PTPRK: variants seen among roughly 807,000 people sequenced by gnomAD.
PTPRK encodes the protein receptor-type tyrosine-protein phosphatase kappa.
PTPRK carries 75 observed loss-of-function variants against 178.0 expected under a neutral mutation model. That is an observed-to-expected ratio of 0.42 (90% CI 0.35 to 0.51). The LOEUF (loss-of-function observed/expected upper bound fraction) is 0.51. PTPRK is among the 20% of genes least tolerant of loss of function. PTPRK has a pLI of 0.02. For missense variants in PTPRK, 1,441 were observed against 1,797.8 expected, an observed-to-expected ratio of 0.80 and a Z score of 3.59; for synonymous variants, 637 against 620.6, an observed-to-expected ratio of 1.03 and a Z score of -0.39.
rs569163227 is a variant in PTPRK, at chr6:128,401,111, C to T, written c.101-3423G>A. 3.9e-3 allele frequency among the ~76,000 whole-genome samples: 591 copies of T among 152,248 alleles called. 1 individual carries two copies. The highest frequency in any genetic ancestry group is 6.0e-3 in the Non-Finnish European group (411 of 68,010). On this transcript the variant is annotated intron_variant, in intron 1 of 29. Coordinates refer to ENST00000368226, the MANE Select transcript of PTPRK (RefSeq NM_002844.4). ...AGCATTTCACAGACTGCTAATTCCT[C>T]TACGCCAATCAATCAACTAAGGGAC...
chr6:127,987,710 T>G (rs1048676346), intron 21 of PTPRK, among the ~76,000 whole-genome samples: 3 of 152,164 alleles, frequency 2.0e-5, no homozygotes, highest in Non-Finnish European at 2.9e-5. Context: ...TTATTTCATT[T>G]GCTAAAACTT....
chr6:128,213,112 T>C (rs1808536989), intron 6 of PTPRK, among the ~76,000 whole-genome samples: 1 of 152,040 alleles, frequency 6.6e-6, no homozygotes, highest in African/African-American at 2.4e-5. Context: ...AAAATGTATG[T>C]TTAATGGACT....
rs1222785733 is a variant in PTPRK at position 128,389,854 on chromosome 6, A to G, written c.223+7712T>C. Among the ~76,000 whole-genome samples, 7 of 152,032 alleles carry G rather than the reference A, an allele frequency of 4.6e-5. No individual in the cohort carries two copies. The East Asian group carries it at 1.2e-3, about 25-fold the overall frequency. ...GAAAAAATTCCAGTCTCAGCATGCC[A>G]TTTCTGTCCACTGTAATTTAGACAT... On this transcript the variant is annotated intron_variant, in intron 2 of 29. Transcript: ENST00000368226.
At chr6:128,320,398 T>C (rs759688348) in intron 3 of PTPRK, among the ~76,000 whole-genome samples, 139 of 152,170 alleles carry the variant, frequency 9.1e-4, no homozygotes, top group Non-Finnish European at 1.8e-3. Context: ...ATCACAGATA[T>C]ACTACTTGCT....
chr6:128,479,705 C>T lies in PTPRK; in HGVS notation c.100+40554G>A, dbSNP rs146752684. Reference sequence around the variant, plus strand: ...TGATTAGAGGGGATAGTTAATTGCTCGTTGAAAGCAGAATTAAAAGGAGAA... The same window carrying T: ...TGATTAGAGGGGATAGTTAATTGCTTGTTGAAAGCAGAATTAAAAGGAGAA... On this transcript the variant is annotated intron_variant, in intron 1 of 29. Coordinates refer to ENST00000368226, the MANE Select transcript of PTPRK (RefSeq NM_002844.4). Among the ~76,000 whole-genome samples, 5 of 152,164 alleles carry T rather than the reference C, an allele frequency of 3.3e-5. No homozygotes were observed. In the East Asian group the frequency reaches 9.7e-4, roughly 29 times the overall value.
At chr6:128,201,514 A>C (rs1363442869) in intron 6 of PTPRK, among the ~76,000 whole-genome samples, 1 of 152,116 alleles carries the variant, frequency 6.6e-6, no homozygotes, top group African/African-American at 2.4e-5. Flanking sequence ...ACTACATTTG[A>C]TTTAGAAAGG....
chr6:128,377,743 T>C (rs1837307673), intron 2 of PTPRK, among the ~76,000 whole-genome samples: 2 of 150,954 alleles, frequency 1.3e-5, no homozygotes, highest in South Asian at 4.2e-4. Context: ...AGAATCAAAG[T>C]TTACTAGATA....
chr6:128,089,559 A>G lies in PTPRK; in HGVS notation c.1465+131T>C, dbSNP rs1380682314. ...TAAAAGGCAATTTTTTTCCAAAGTTAATCTCATTAATAACATTTAGATGAT... is the reference window on the plus strand; with the variant it reads ...TAAAAGGCAATTTTTTTCCAAAGTTGATCTCATTAATAACATTTAGATGAT... On this transcript the variant is annotated intron_variant, in intron 8 of 29. Coordinates refer to ENST00000368226, the MANE Select transcript of PTPRK (RefSeq NM_002844.4). 4.0e-6 allele frequency: 4 copies of G among 1,006,892 alleles called. No homozygotes were observed. The South Asian group carries it at 6.8e-5, about 17-fold the overall frequency. 62.4% of individuals were successfully genotyped at this position (1,006,892 alleles called of 1,614,324 possible). A position where few individuals can be genotyped will look rare whatever the true frequency, so the allele number is the denominator to read the frequency against.
intron 2 of PTPRK, among the ~76,000 whole-genome samples, chr6:128,355,319 C>T (rs1833804899): frequency 1.3e-5 from 2 of 152,168 alleles, no homozygotes; most frequent in African/African-American, 4.8e-5. Context: ...TCTATCCATG[C>T]TATCTAAATT....
At chr6:128,436,402 T>C (rs1309194411) in intron 1 of PTPRK, among the ~76,000 whole-genome samples, 3 of 152,200 alleles carry the variant, frequency 2.0e-5, no homozygotes, top group South Asian at 2.1e-4. Context: ...GAGACACATA[T>C]AGTTTCTAAA....
At chr6:128,013,371 G>A (rs1050974037) in intron 13 of PTPRK, among the ~76,000 whole-genome samples, 3 of 151,298 alleles carry the variant, frequency 2.0e-5, no homozygotes, top group South Asian at 2.1e-4. Flanking sequence ...CTCTCTAATC[G>A]ATATATCTCT....
chr6:128,228,526 G>C (rs1811769110), intron 5 of PTPRK, among the ~76,000 whole-genome samples: 1 of 150,918 alleles, frequency 6.6e-6, no homozygotes, highest in Non-Finnish European at 1.5e-5. Flanking sequence ...TGGGCATGGT[G>C]GTGGGCGCCT....
chr6:128,301,040 C>G (rs977876702), intron 3 of PTPRK, among the ~76,000 whole-genome samples: 2 of 150,982 alleles, frequency 1.3e-5, no homozygotes, highest in African/African-American at 4.9e-5. Flanking sequence ...AGAGCTTTTT[C>G]AGAGTCAAGA....
chr6:128,331,439 TA>T (rs1830263909), intron 2 of PTPRK, among the ~76,000 whole-genome samples: 3 of 151,876 alleles, frequency 2.0e-5, no homozygotes, highest in Middle Eastern at 6.8e-3. Context: ...TAAGCAAAAA[TA>T]TTTTTTTAAG....
intron 1 of PTPRK, among the ~76,000 whole-genome samples, chr6:128,479,551 A>C (rs981890725): frequency 1.3e-5 from 2 of 152,108 alleles, no homozygotes; most frequent in Non-Finnish European, 2.9e-5. Context: ...GAGGGGGTAC[A>C]TTTTTAATTG....
chr6:128,412,878 A>G (rs1197475156), intron 1 of PTPRK, among the ~76,000 whole-genome samples: 1 of 151,990 alleles, frequency 6.6e-6, no homozygotes, highest in African/African-American at 2.4e-5. Flanking sequence ...AGCGGGAGGG[A>G]GGCATGGTCT....
chr6:128,009,402 A>G, intron 13 of PTPRK, 134 bp from the exon 14 acceptor site: 1 of 772,406 alleles, frequency 1.3e-6, no homozygotes, highest in Non-Finnish European at 2.0e-6. Context: ...CAATGTAAAT[A>G]CAGAAGCATG....
chr6:128,032,428 G>A (rs1489876108), intron 13 of PTPRK, among the ~76,000 whole-genome samples: 1 of 152,166 alleles, frequency 6.6e-6, no homozygotes, highest in Non-Finnish European at 1.5e-5. Context: ...TTAAAGGATT[G>A]TAAAGGCCAC....
At chr6:128,385,495 A>T (rs1838572704) in intron 2 of PTPRK, among the ~76,000 whole-genome samples, 1 of 152,198 alleles carries the variant, frequency 6.6e-6, no homozygotes, top group Admixed American at 6.5e-5. Flanking sequence ...AATTCAATTT[A>T]TGGGAAGAAC....
Sources: gnomAD v4.1 joint callset for allele counts (sites outside exome capture counted in the v4.1 genomes callset) on GRCh38, gnomAD v4.1.1 for gene constraint, MANE v1.5 for transcripts, NCBI Gene and HGNC (gene_info 2026-07-23, HGNC 2026-07-21) for gene names.